Variants in STK17B observed in about 807,000 individuals in gnomAD.
STK17B encodes the protein serine/threonine-protein kinase 17B.
A neutral mutation model predicts 42.0 loss-of-function variants in STK17B; 21 were observed. The observed-to-expected ratio is 0.50, with a 90% CI of 0.35 to 0.72. STK17B has a LOEUF of 0.72. Ranked by LOEUF, STK17B falls within the 30% of genes least tolerant of loss-of-function variation. The pLI, the probability that STK17B is intolerant of heterozygous loss-of-function variation, is 0.00. For missense variants in STK17B, 349 were observed against 446.0 expected, an observed-to-expected ratio of 0.78 and a Z score of 1.96; for synonymous variants, 143 against 148.4, an observed-to-expected ratio of 0.96 and a Z score of 0.26.
chr2:196,169,920 TG>T (rs1699918516), intron 1 of STK17B, among the ~76,000 whole-genome samples: 1 of 152,070 alleles, frequency 6.6e-6, no homozygotes, highest in Admixed American at 6.5e-5. Flanking sequence ...ATGTACAATA[TG>T]TATCTCAAAA....
chr2:196,138,262 C>A (rs889982483), intron 7 of STK17B, among the ~76,000 whole-genome samples: 1 of 152,124 alleles, frequency 6.6e-6, no homozygotes, highest in African/African-American at 2.4e-5. Context: ...TCACATACTC[C>A]ATGTTTCTGC....
At chr2:196,138,601 A>C (rs1699444869) in intron 7 of STK17B, among the ~76,000 whole-genome samples, 1 of 149,634 alleles carries the variant, frequency 6.7e-6, no homozygotes, top group African/African-American at 2.5e-5. Context: ...TTTGCAATGT[A>C]GTCTCACTCT....
intron 1 of STK17B, among the ~76,000 whole-genome samples, chr2:196,163,649 C>T (rs929520515): frequency 2.6e-5 from 4 of 151,988 alleles, no homozygotes; most frequent in African/African-American, 9.7e-5. Context: ...AATAAAACTA[C>T]GGTAAAAATC....
chr2:196,160,702 A>G (rs1234962891), intron 2 of STK17B, among the ~76,000 whole-genome samples: 1 of 152,224 alleles, frequency 6.6e-6, no homozygotes, highest in Non-Finnish European at 1.5e-5. Context: ...AATATTTACC[A>G]TGTGACTCAT....
intron 2 of STK17B, 66 bp downstream of exon 2, chr2:196,163,196 A>G: frequency 1.9e-6 from 3 of 1,552,482 alleles, no homozygotes; most frequent in Non-Finnish European, 2.6e-6. Context: ...TGAGTTTTAT[A>G]GAATTATAAA....
chr2:196,161,381 G>A (rs1359387280), intron 2 of STK17B, among the ~76,000 whole-genome samples: 1 of 151,656 alleles, frequency 6.6e-6, no homozygotes, highest in African/African-American at 2.4e-5. Context: ...ATTTTAAAAG[G>A]TTCTAAAAAC....
At chr2:196,159,311 GTTTT>G (rs71009085) in intron 2 of STK17B, among the ~76,000 whole-genome samples, 2 of 130,694 alleles carry the variant, frequency 1.5e-5, no homozygotes, top group Admixed American at 7.7e-5. Context: ...CCAAGAGGTT[GTTTT>G]TTTTTTTTTT....
At chr2:196,140,217 C>T (rs1174186367) in intron 6 of STK17B, among the ~76,000 whole-genome samples, 2 of 152,218 alleles carry the variant, frequency 1.3e-5, no homozygotes, top group Non-Finnish European at 2.9e-5. Context: ...AATTTTTTCA[C>T]TGCAAACCTT....
At chr2:196,156,825 T>G (rs1464137052) in intron 2 of STK17B, among the ~76,000 whole-genome samples, 174 bp from the exon 3 acceptor site, 3 of 152,216 alleles carry the variant, frequency 2.0e-5, no homozygotes, top group African/African-American at 7.2e-5. Context: ...TTTATAAAAT[T>G]TATAGTGCTA....
At chr2:196,141,154 G>A (rs1361896093) in intron 6 of STK17B, 95 bp downstream of exon 6, 3 of 833,686 alleles carry the variant, frequency 3.6e-6, no homozygotes, top group Non-Finnish European at 5.7e-6. Context: ...TTTGAAGAAA[G>A]CCTTATTATT....
intron 3 of STK17B, among the ~76,000 whole-genome samples, chr2:196,147,474 G>A (rs1333881664): frequency 6.6e-6 from 1 of 152,084 alleles, no homozygotes; most frequent in Non-Finnish European, 1.5e-5. Flanking sequence ...AAAAATAATG[G>A]TGGGCTCAAA....
chr2:196,150,538 T>C (rs1457769859), intron 3 of STK17B, among the ~76,000 whole-genome samples: 1 of 152,184 alleles, frequency 6.6e-6, no homozygotes, highest in Non-Finnish European at 1.5e-5. Context: ...TCCTATAACA[T>C]AAAGTTAATA....
intron 3 of STK17B, among the ~76,000 whole-genome samples, chr2:196,152,423 A>C (rs931508404): frequency 6.6e-6 from 1 of 152,192 alleles, no homozygotes; most frequent in Non-Finnish European, 1.5e-5. Context: ...GTGCCTTTTA[A>C]AAGTGATTGT....
chr2:196,154,564 T>C (rs1199321154), intron 3 of STK17B: 1 of 152,246 alleles, frequency 6.6e-6, no homozygotes, highest in Non-Finnish European at 1.5e-5. Flanking sequence ...AGGATGTTAA[T>C]TGTACTAGTT....
chr2:196,136,102 G>A lies in STK17B; in HGVS notation c.*1345C>T, dbSNP rs923180678. On this transcript the variant is annotated 3_prime_UTR_variant, in exon 8 of 8. Coordinates refer to ENST00000263955, the MANE Select transcript of STK17B (RefSeq NM_004226.4). ...TAAAGGTCTAAAGGGGGAACATCAG[G>A]TTGTTGTTACCATTTGTCAAACTAT... is the stretch of plus-strand genomic sequence containing the variant. The A allele has an allele frequency of 6.6e-6, 1 of 152,156 alleles. No homozygotes were observed. The highest frequency in any genetic ancestry group is 2.4e-5 in the African/African-American group (1 of 41,420). 9.4% of individuals were successfully genotyped at this position (152,156 alleles called of 1,614,324 possible). A position where few individuals can be genotyped will look rare whatever the true frequency, so the allele number is the denominator to read the frequency against.
chr2:196,163,186 T>G (rs1699834823), intron 2 of STK17B, 76 bp downstream of exon 2: 1 of 1,511,876 alleles, frequency 6.6e-7, no homozygotes, highest in Non-Finnish European at 9.0e-7. Context: ...TGATCCCAAG[T>G]GAGTTTTATA....
intron 1 of STK17B, among the ~76,000 whole-genome samples, chr2:196,167,030 CAT>C (rs1699882724): frequency 6.6e-6 from 1 of 152,194 alleles, no homozygotes; most frequent in Non-Finnish European, 1.5e-5. Context: ...CTGCCGCACT[CAT>C]ATTTCATATT....
chr2:196,154,710 A>C (rs1326228005), intron 3 of STK17B: 1 of 152,356 alleles, frequency 6.6e-6, no homozygotes, highest in Non-Finnish European at 1.5e-5. Context: ...CCATATAAAA[A>C]TTATGCCACA....
chr2:196,143,260 T>G (rs1026427079), intron 5 of STK17B, among the ~76,000 whole-genome samples: 2 of 152,220 alleles, frequency 1.3e-5, no homozygotes, highest in African/African-American at 4.8e-5. Flanking sequence ...ATTTTTCTCT[T>G]TTTCCCTAAC....
Sources: gnomAD v4.1 joint callset for allele counts (sites outside exome capture counted in the v4.1 genomes callset) on GRCh38, gnomAD v4.1.1 for gene constraint, MANE v1.5 for transcripts, NCBI Gene and HGNC (gene_info 2026-07-23, HGNC 2026-07-21) for gene names.